PPP3R1: variants seen among roughly 807,000 people sequenced by gnomAD.
The protein encoded by PPP3R1 is protein phosphatase 3 regulatory subunit B, alpha, also known as calcineurin subunit B type 1.
Under a neutral mutation model 22.6 loss-of-function variants are expected in PPP3R1, and 5 were observed. The ratio of observed to expected loss-of-function variants is 0.22; its 90% CI spans 0.12 to 0.46. The LOEUF (loss-of-function observed/expected upper bound fraction) is 0.46. Among genes scored for constraint, PPP3R1 ranks in the 20% least tolerant of loss-of-function variants. The pLI, the probability that PPP3R1 is intolerant of heterozygous loss-of-function variation, is 0.99. For synonymous variants in PPP3R1, 56 were observed against 65.2 expected, an observed-to-expected ratio of 0.86 and a Z score of 0.68; for missense variants, 61 against 203.2, an observed-to-expected ratio of 0.30 and a Z score of 4.25.
At chr2:68,229,019 A>C (rs1481640233) in intron 1 of PPP3R1, among the ~76,000 whole-genome samples, 1 of 151,958 alleles carries the variant, frequency 6.6e-6, no homozygotes, top group Non-Finnish European at 1.5e-5. Context: ...AAATGTGTTT[A>C]TGTTTTCTGG....
intron 3 of PPP3R1, 116 bp downstream of exon 3, chr2:68,188,398 T>C: frequency 1.3e-6 from 1 of 775,942 alleles, no homozygotes. Context: ...TTTAACATAA[T>C]CTATTATTGT....
At chr2:68,246,067 C>CTTTTTTTTTTTT (rs746584723) in intron 1 of PPP3R1, among the ~76,000 whole-genome samples, 40 of 73,774 alleles carry the variant, frequency 5.4e-4, no homozygotes, top group South Asian at 6.5e-4. Flanking sequence ...TTCTTTCTTT[C>CTTTTTTTTTTTT]TTTTTTTTTT....
At chr2:68,222,121 T>C (rs1041930764) in intron 1 of PPP3R1, among the ~76,000 whole-genome samples, 4 of 152,178 alleles carry the variant, frequency 2.6e-5, no homozygotes, top group Non-Finnish European at 4.4e-5. Context: ...ATATGACTTT[T>C]AAAAGCAAAG....
At chr2:68,198,432 TGC>T (rs745623095) in intron 2 of PPP3R1, among the ~76,000 whole-genome samples, 107 of 145,484 alleles carry the variant, frequency 7.4e-4, no homozygotes, top group East Asian at 1.6e-3. Flanking sequence ...TACGTATATA[TGC>T]GTGTGTATAT....
intron 1 of PPP3R1, among the ~76,000 whole-genome samples, chr2:68,232,225 G>GTATATATATACA (rs1558641460): frequency 5.3e-5 from 4 of 76,116 alleles, no homozygotes; most frequent in Non-Finnish European, 9.8e-5. Flanking sequence ...ATGTATATAT[G>GTATATATATACA]TGTGTGTGTG....
chr2:68,224,370 G>A (rs181393235), intron 1 of PPP3R1, among the ~76,000 whole-genome samples: 2 of 152,178 alleles, frequency 1.3e-5, no homozygotes, highest in South Asian at 4.1e-4. Flanking sequence ...GACTTAAAGA[G>A]TTATGAAGGG....
intron 1 of PPP3R1, among the ~76,000 whole-genome samples, chr2:68,240,220 T>C (rs1392147350): frequency 2.0e-5 from 3 of 152,120 alleles, no homozygotes; most frequent in Admixed American, 6.5e-5. Context: ...AACCAATGAC[T>C]CAAATAAGAC....
chr2:68,190,591 C>G (rs1674645514), intron 2 of PPP3R1, among the ~76,000 whole-genome samples: 1 of 151,848 alleles, frequency 6.6e-6, no homozygotes, highest in Non-Finnish European at 1.5e-5. Flanking sequence ...AAAAACCCCT[C>G]AATATATGAA....
chr2:68,252,094 G>A (rs759432205), intron 1 of PPP3R1, 31 bp downstream of exon 1: 7 of 1,422,154 alleles, frequency 4.9e-6, no homozygotes, highest in South Asian at 1.4e-5. Context: ...GTAGGGGGAG[G>A]GATGGTGCAT....
intron 1 of PPP3R1, among the ~76,000 whole-genome samples, chr2:68,232,456 T>G (rs1367400053): frequency 6.7e-6 from 1 of 149,950 alleles, no homozygotes; most frequent in Non-Finnish European, 1.5e-5. Context: ...AAAAAAAATC[T>G]TATTTAGATT....
Position 68,184,947 on chromosome 2 carries a change from G to A in PPP3R1, c.465+1521C>T, listed in dbSNP as rs529539945. Among the ~76,000 whole-genome samples, 11 of 152,256 alleles carry A rather than the reference G, an allele frequency of 7.2e-5. No individual in the cohort carries two copies. The South Asian group carries it at 1.7e-3, about 23-fold the overall frequency. ...ACAAAAACTTAAAAATGGGCCAGGC[G>A]CAGTGGCTCACGCCTATAATCCCAG... On this transcript the variant is annotated intron_variant, in intron 5 of 5. Coordinates refer to ENST00000234310, the MANE Select transcript of PPP3R1 (RefSeq NM_000945.4).
At chr2:68,246,813 G>A (rs560847618) in intron 1 of PPP3R1, among the ~76,000 whole-genome samples, 5 of 152,144 alleles carry the variant, frequency 3.3e-5, no homozygotes, top group South Asian at 4.2e-4. Context: ...CCAGTTTCAC[G>A]GCTTCAACTA....
At chr2:68,197,161 A>T (rs1479407408) in intron 2 of PPP3R1, among the ~76,000 whole-genome samples, 1 of 152,218 alleles carries the variant, frequency 6.6e-6, no homozygotes, top group Non-Finnish European at 1.5e-5. Context: ...ATAAAAGAAC[A>T]TTCCATGACC....
At chr2:68,198,117 A>C (rs1558630754) in intron 2 of PPP3R1, among the ~76,000 whole-genome samples, 1 of 141,508 alleles carries the variant, frequency 7.1e-6, no homozygotes, top group Non-Finnish European at 1.5e-5. Flanking sequence ...TATATATGTA[A>C]ATATATATGT....
At chr2:68,225,002 C>A (rs557716488) in intron 1 of PPP3R1, among the ~76,000 whole-genome samples, 1 of 152,130 alleles carries the variant, frequency 6.6e-6, no homozygotes, top group Non-Finnish European at 1.5e-5. Context: ...ACTATACAGG[C>A]AACTGGCATA....
At chr2:68,216,351 T>C (rs1225860054) in intron 2 of PPP3R1, among the ~76,000 whole-genome samples, 1 of 152,114 alleles carries the variant, frequency 6.6e-6, no homozygotes, top group Non-Finnish European at 1.5e-5. Flanking sequence ...AAAAAGGCTT[T>C]AGACAACAGA....
chr2:68,240,725 A>G (rs1283989489), intron 1 of PPP3R1, among the ~76,000 whole-genome samples: 1 of 152,254 alleles, frequency 6.6e-6, no homozygotes, highest in African/African-American at 2.4e-5. Context: ...CCAAGTGGCT[A>G]GAGCACAGAA....
At chr2:68,229,456 G>A (rs1400935319) in intron 1 of PPP3R1, among the ~76,000 whole-genome samples, 1 of 152,086 alleles carries the variant, frequency 6.6e-6, no homozygotes, top group Non-Finnish European at 1.5e-5. Context: ...TGATTTTCTT[G>A]CTTGGTTACT....
chr2:68,210,168 C>T (rs940960638), intron 2 of PPP3R1, among the ~76,000 whole-genome samples: 2 of 152,102 alleles, frequency 1.3e-5, no homozygotes, highest in South Asian at 2.1e-4. Flanking sequence ...GTTCCAGAAC[C>T]TCATATCTTA....
Sources: gnomAD v4.1 joint callset for allele counts (sites outside exome capture counted in the v4.1 genomes callset) on GRCh38, gnomAD v4.1.1 for gene constraint, MANE v1.5 for transcripts, NCBI Gene and HGNC (gene_info 2026-07-23, HGNC 2026-07-21) for gene names.